TRDN: variants seen among roughly 807,000 people sequenced by gnomAD.
TRDN encodes the protein triadin in skeletal muscle.
A neutral mutation model predicts 149.7 loss-of-function variants in TRDN; 161 were observed. The observed-to-expected ratio is 1.08, with a 90% CI of 0.95 to 1.23. The LOEUF is 1.23. Ranked by LOEUF, TRDN falls within the 50% of genes most tolerant of loss-of-function variation. The pLI is 0.00. For synonymous variants in TRDN, 294 were observed against 250.5 expected (o/e 1.17, Z -1.64); for missense variants, 896 against 823.5 (o/e 1.09, Z -1.08).
At chr6:123,225,541 C>T (rs1245881296) in intron 38 of TRDN, among the ~76,000 whole-genome samples, 1 of 87,216 alleles carries the variant, frequency 1.1e-5, no homozygotes, top group Non-Finnish European at 3.4e-5. Flanking sequence ...CACATACACA[C>T]ACATACACAC....
At chr6:123,301,366 G>T (rs891996151) in intron 24 of TRDN, among the ~76,000 whole-genome samples, 4 of 151,876 alleles carry the variant, frequency 2.6e-5, no homozygotes, top group Admixed American at 6.6e-5. Flanking sequence ...TTGAAATCAA[G>T]TTGGCCATGT....
intron 19 of TRDN, among the ~76,000 whole-genome samples, chr6:123,371,591 C>T (rs1049359921): frequency 1.3e-5 from 2 of 152,062 alleles, no homozygotes; most frequent in African/African-American, 4.8e-5. Flanking sequence ...ATTTGAAATC[C>T]TGTCCCTTTT....
intron 4 of TRDN, among the ~76,000 whole-genome samples, chr6:123,545,488 C>A (rs995235761): frequency 8.6e-5 from 13 of 151,806 alleles, no homozygotes; most frequent in African/African-American, 2.9e-4. Context: ...TCACTTTCAA[C>A]TAAGGTTTAT....
intron 1 of TRDN, among the ~76,000 whole-genome samples, chr6:123,619,966 T>C (rs932302799): frequency 5.3e-5 from 8 of 152,112 alleles, no homozygotes; most frequent in Non-Finnish European, 8.8e-5. Flanking sequence ...ACACTTTTGC[T>C]CTCTTCCAGG....
At chr6:123,627,957 G>C (rs1191115136) in intron 1 of TRDN, among the ~76,000 whole-genome samples, 1 of 152,172 alleles carries the variant, frequency 6.6e-6, no homozygotes, top group African/African-American at 2.4e-5. Context: ...TTAGGGCCTT[G>C]GTCTGGATTA....
At chr6:123,409,702 C>A (rs1431683794) in intron 12 of TRDN, among the ~76,000 whole-genome samples, 2 of 151,788 alleles carry the variant, frequency 1.3e-5, no homozygotes, top group Non-Finnish European at 2.9e-5. Context: ...CACACACACA[C>A]ACACACACAC....
rs1188219844 is a variant in TRDN, at chr6:123,266,188, A to G, written c.1784-850T>C. Reference sequence around the variant, plus strand: ...ATATGTATTATATATTATATATATTATAATATGTATTATATATTATATATA... The same window carrying G: ...ATATGTATTATATATTATATATATTGTAATATGTATTATATATTATATATA... On this transcript the variant is annotated intron_variant, in intron 32 of 40. Transcript: ENST00000334268. 3.3e-4 allele frequency among the ~76,000 whole-genome samples: 28 copies of G among 85,190 alleles called. 2 individuals carry two copies. Among genetic ancestry groups the G allele is most frequent in the Admixed American group, 4.8e-4 (2 of 4,180 alleles). The allele number at this position is 85,190 out of a possible 152,430, so 55.9% of individuals were successfully genotyped here.
chr6:123,279,217 T>G, intron 24 of TRDN, 135 bp from the exon 25 acceptor site: 1 of 695,140 alleles, frequency 1.4e-6, no homozygotes. Flanking sequence ...TTTGTTGAAA[T>G]TCTATAGAAT....
chr6:123,368,480 C>T (rs1781199486), intron 19 of TRDN, among the ~76,000 whole-genome samples: 1 of 152,174 alleles, frequency 6.6e-6, no homozygotes, highest in Admixed American at 6.5e-5. Context: ...GAGTGGGCAA[C>T]AGAGCTTTGA....
At chr6:123,630,133 T>A (rs1309251281) in intron 1 of TRDN, among the ~76,000 whole-genome samples, 1 of 148,276 alleles carries the variant, frequency 6.7e-6, no homozygotes, top group Non-Finnish European at 1.5e-5. Context: ...TGTTAATGCA[T>A]AGTTGCCAGA....
At chr6:123,603,456 G>C (rs1456830613) in intron 1 of TRDN, among the ~76,000 whole-genome samples, 2 of 151,122 alleles carry the variant, frequency 1.3e-5, no homozygotes, top group South Asian at 4.2e-4. Flanking sequence ...CTTTATTTTG[G>C]TATTTGTTTT....
At chr6:123,239,040 C>G (rs1775892258) in intron 38 of TRDN, among the ~76,000 whole-genome samples, 1 of 152,060 alleles carries the variant, frequency 6.6e-6, no homozygotes, top group African/African-American at 2.4e-5. Flanking sequence ...AGGGTTTCAC[C>G]ATGTAGGCCA....
chr6:123,269,162 A>G (rs1777119034), intron 31 of TRDN, among the ~76,000 whole-genome samples: 1 of 152,002 alleles, frequency 6.6e-6, no homozygotes, highest in Admixed American at 6.6e-5. Context: ...ATTTGCTACC[A>G]CAGTGGGTAA....
chr6:123,312,504 T>A lies in TRDN; in HGVS notation c.1510+3953A>T, dbSNP rs184301887. 4.3e-4 allele frequency among the ~76,000 whole-genome samples: 66 copies of A among 152,090 alleles called. No individual in the cohort carries two copies. The East Asian group carries it at 0.013, about 29-fold the overall frequency. ...TTGTAGGAATACAGCATATAATACATATAACATACCAAATAGTTGTGCATC... is the reference window on the plus strand; with the variant it reads ...TTGTAGGAATACAGCATATAATACAAATAACATACCAAATAGTTGTGCATC... On this transcript the variant is annotated intron_variant, in intron 24 of 40. Coordinates refer to ENST00000334268, the MANE Select transcript of TRDN (RefSeq NM_006073.4).
At chr6:123,236,668 T>G (rs59480392) in intron 38 of TRDN, among the ~76,000 whole-genome samples, 7,898 of 152,232 alleles carry the variant, frequency 0.052, 598 homozygotes, top group African/African-American at 0.18. Flanking sequence ...AGATGTCCAA[T>G]TGTTTGAGTG....
intron 21 of TRDN, among the ~76,000 whole-genome samples, chr6:123,344,241 C>T (rs747441086): frequency 1.3e-5 from 2 of 152,040 alleles, no homozygotes; most frequent in Non-Finnish European, 2.9e-5. Context: ...GAGTGTGGTA[C>T]ATTTATTACC....
intron 24 of TRDN, among the ~76,000 whole-genome samples, chr6:123,296,861 T>C (rs1778220438): frequency 6.6e-6 from 1 of 152,086 alleles, no homozygotes; most frequent in Admixed American, 6.6e-5. Context: ...CCCTTTAGTC[T>C]TTTAAAGGCC....
chr6:123,223,696 C>A (rs142633465), intron 39 of TRDN, among the ~76,000 whole-genome samples: 56 of 146,736 alleles, frequency 3.8e-4, no homozygotes, highest in African/African-American at 1.4e-3. Context: ...TTCCTTCCTT[C>A]CTTCCTTCCT....
At chr6:123,478,547 G>A (rs73544296) in intron 9 of TRDN, among the ~76,000 whole-genome samples, 17,528 of 152,224 alleles carry the variant, frequency 0.12, 1,304 homozygotes, top group Non-Finnish European at 0.16. Context: ...GAAGACAGAA[G>A]ATATAGGTAA....
Sources: gnomAD v4.1 joint callset for allele counts (sites outside exome capture counted in the v4.1 genomes callset) on GRCh38, gnomAD v4.1.1 for gene constraint, MANE v1.5 for transcripts, NCBI Gene and HGNC (gene_info 2026-07-23, HGNC 2026-07-21) for gene names.